CTNND2: variants seen among roughly 807,000 people sequenced by gnomAD.
The protein encoded by CTNND2 is catenin delta-2.
CTNND2 carries 22 observed loss-of-function variants against 144.4 expected under a neutral mutation model. That is an observed-to-expected ratio of 0.15 (90% CI 0.11 to 0.22). CTNND2 has a LOEUF of 0.22. Among genes scored for constraint, CTNND2 ranks in the 10% least tolerant of loss-of-function variants. CTNND2 has a pLI of 1.00. For missense variants in CTNND2, 1,353 were observed against 1,618.8 expected (o/e 0.84, Z 2.82); for synonymous variants, 751 against 695.6 (o/e 1.08, Z -1.25).
chr5:11,184,694 G>A (rs1735439451), intron 11 of CTNND2, among the ~76,000 whole-genome samples: 1 of 152,162 alleles, frequency 6.6e-6, no homozygotes, highest in Admixed American at 6.5e-5. Flanking sequence ...TTAATAGTCT[G>A]TGGAATTATT....
chr5:11,751,597 G>T (rs1388788251), intron 1 of CTNND2, among the ~76,000 whole-genome samples: 2 of 151,854 alleles, frequency 1.3e-5, no homozygotes, highest in East Asian at 3.8e-4. Flanking sequence ...GTATGCCACA[G>T]TGTATATCTG....
chr5:11,455,246 T>C (rs1765633972), intron 3 of CTNND2, among the ~76,000 whole-genome samples: 1 of 151,624 alleles, frequency 6.6e-6, no homozygotes, highest in Non-Finnish European at 1.5e-5. Flanking sequence ...AGATGGAGAG[T>C]AGTAAGAGAA....
chr5:11,856,383 A>G (rs1795251311), intron 1 of CTNND2, among the ~76,000 whole-genome samples: 2 of 152,140 alleles, frequency 1.3e-5, no homozygotes, highest in South Asian at 4.1e-4. Flanking sequence ...TGTCATCTGA[A>G]GGAGTGTGGT....
chr5:11,076,084 ATTATT>A (rs1287973569), intron 16 of CTNND2, among the ~76,000 whole-genome samples: 1 of 152,246 alleles, frequency 6.6e-6, no homozygotes, highest in African/African-American at 2.4e-5. Context: ...ATGCTTGCTT[ATTATT>A]TCATTTGGGG....
intron 2 of CTNND2, chr5:11,589,046 C>T (rs1402250485): frequency 5.1e-6 from 5 of 985,198 alleles, no homozygotes; most frequent in Non-Finnish European, 4.8e-6. Flanking sequence ...CAAGACATAT[C>T]AGAGATACCA....
intron 12 of CTNND2, among the ~76,000 whole-genome samples, chr5:11,117,837 G>A (rs1366798559): frequency 6.6e-6 from 1 of 152,232 alleles, no homozygotes; most frequent in Non-Finnish European, 1.5e-5. Flanking sequence ...ACCGTGGAGG[G>A]TGGGGGACCT....
chr5:11,190,567 T>C (rs1265704731), intron 11 of CTNND2, among the ~76,000 whole-genome samples: 1 of 152,224 alleles, frequency 6.6e-6, no homozygotes, highest in East Asian at 1.9e-4. Context: ...GAGGTGACAA[T>C]GTGGCCTTCT....
At chr5:11,528,667 C>T (rs1423488638) in intron 3 of CTNND2, among the ~76,000 whole-genome samples, 2 of 152,192 alleles carry the variant, frequency 1.3e-5, no homozygotes, top group Non-Finnish European at 1.5e-5. Context: ...CCAATGTAAG[C>T]CTGCACCACA....
intron 10 of CTNND2, among the ~76,000 whole-genome samples, chr5:11,218,421 T>C (rs1046584302): frequency 6.6e-6 from 1 of 152,194 alleles, no homozygotes; most frequent in Non-Finnish European, 1.5e-5. Flanking sequence ...GTATCTTTTA[T>C]CATTAGTAAG....
In CTNND2 at chr5:11,626,850, TGAA is replaced by T; in HGVS notation, c.175-61797_175-61795del. On this transcript the variant is annotated intron_variant, in intron 2 of 21. Transcript: ENST00000304623. ...TGAGCACACACATTCACACACAAAT[TGAA>T]GAACCCATTAGTGTTTTAATTCTAA... 2.0e-5 allele frequency among the ~76,000 whole-genome samples: 3 copies of T among 152,330 alleles called. No individual in the cohort carries two copies. In the South Asian group the frequency reaches 6.2e-4, roughly 32 times the overall value.
chr5:11,714,180 A>T (rs1214644501), intron 2 of CTNND2, among the ~76,000 whole-genome samples: 1 of 152,200 alleles, frequency 6.6e-6, no homozygotes, highest in Non-Finnish European at 1.5e-5. Context: ...GCTCCTGTGG[A>T]GCTAACATTG....
chr5:11,329,047 T>G (rs1350877834), intron 9 of CTNND2, among the ~76,000 whole-genome samples: 3 of 152,232 alleles, frequency 2.0e-5, no homozygotes, highest in African/African-American at 7.2e-5. Context: ...ACTGTCCTCA[T>G]GAGGTCTTTC....
chr5:11,608,611 C>T (rs1430985884), intron 2 of CTNND2, among the ~76,000 whole-genome samples: 1 of 152,070 alleles, frequency 6.6e-6, no homozygotes, highest in Non-Finnish European at 1.5e-5. Context: ...ATGCTGAGCT[C>T]CTCCACTTCA....
intron 18 of CTNND2, among the ~76,000 whole-genome samples, chr5:11,015,617 CTATT>C (rs1208977940): frequency 6.6e-6 from 1 of 152,192 alleles, no homozygotes; most frequent in Non-Finnish European, 1.5e-5. Context: ...ACTCATATGA[CTATT>C]CAAGAAAGAG....
At chr5:11,105,204 C>T (rs1302733410) in intron 14 of CTNND2, among the ~76,000 whole-genome samples, 3 of 152,348 alleles carry the variant, frequency 2.0e-5, no homozygotes, top group East Asian at 3.9e-4. Flanking sequence ...GGGACATGGC[C>T]GTCCCTGTTA....
At chr5:11,823,855 C>A (rs527594162) in intron 1 of CTNND2, among the ~76,000 whole-genome samples, 4 of 152,022 alleles carry the variant, frequency 2.6e-5, no homozygotes, top group Non-Finnish European at 5.9e-5. Flanking sequence ...CACCTATAAT[C>A]CCATTACTTT....
At chr5:11,217,910 G>A (rs1301424488) in intron 10 of CTNND2, among the ~76,000 whole-genome samples, 1 of 152,102 alleles carries the variant, frequency 6.6e-6, no homozygotes, top group Non-Finnish European at 1.5e-5. Context: ...AGGCATCCAA[G>A]GTTGCGGCTC....
chr5:11,489,291 G>A (rs1381811439), intron 3 of CTNND2, among the ~76,000 whole-genome samples: 2 of 152,084 alleles, frequency 1.3e-5, no homozygotes, highest in African/African-American at 2.4e-5. Flanking sequence ...TTTCCCCAGT[G>A]GTTAACGATA....
chr5:11,042,989 TC>T, intron 16 of CTNND2, among the ~76,000 whole-genome samples: 1 of 152,290 alleles, frequency 6.6e-6, no homozygotes, highest in East Asian at 1.9e-4. Flanking sequence ...AGAGATAGTA[TC>T]CTTTCTCAAA....
Sources: gnomAD v4.1 joint callset for allele counts (sites outside exome capture counted in the v4.1 genomes callset) on GRCh38, gnomAD v4.1.1 for gene constraint, MANE v1.5 for transcripts, NCBI Gene and HGNC (gene_info 2026-07-23, HGNC 2026-07-21) for gene names.